Variants in MYCT1 observed in about 807,000 individuals in gnomAD.
The protein encoded by MYCT1 is MYC target 1.
Under a neutral mutation model 15.0 loss-of-function variants are expected in MYCT1, and 12 were observed. The observed-to-expected ratio is 0.80, with a 90% CI of 0.51 to 1.29. The LOEUF is 1.29. MYCT1 is among the 50% of genes most tolerant of loss of function. The pLI is 0.00. For synonymous variants in MYCT1, 104 were observed against 102.7 expected (o/e 1.01, Z -0.07); for missense variants, 287 against 279.1 (o/e 1.03, Z -0.20).
Position 152,722,139 on chromosome 6 carries a change from T to G in MYCT1, c.594T>G (p.Thr198=). 6.2e-7 allele frequency: 1 copy of G among 1,614,130 alleles called. No homozygotes were observed. The highest frequency in any genetic ancestry group is 8.5e-7 in the Non-Finnish European group (1 of 1,180,010). ...PSSNISPTIS[T]SHSLSRPDYW... ...CCAATATCTCTCCCACCATCAGCAC[T>G]TCCCACAGTCTGAGCCGTCCTGACT... Residue 198 remains threonine (T), a synonymous_variant, in exon 2 of 2, where the codon ACT becomes ACG. Coordinates refer to ENST00000367245, the MANE Select transcript of MYCT1 (RefSeq NM_025107.3).
chr6:152,740,033 GTTATTGTTATTATTA>G, the MYCT1 span, among the ~76,000 whole-genome samples: 261 of 151,934 alleles, frequency 1.7e-3, 1 homozygote, highest in Non-Finnish European at 2.4e-3. Flanking sequence ...TATGTATATT[GTTATTGTTATTATTA>G]TTATTGTTAT....
At chr6:152,726,345 C>A (rs989153661), downstream of MYCT1, among the ~76,000 whole-genome samples, 1 of 148,048 alleles carries the variant, frequency 6.8e-6, no homozygotes, top group Non-Finnish European at 1.5e-5. Flanking sequence ...TACAGTGAGC[C>A]GAGATTGTGC....
the MYCT1 span, among the ~76,000 whole-genome samples, chr6:152,739,143 T>C: frequency 6.6e-6 from 1 of 151,902 alleles, no homozygotes; most frequent in African/African-American, 2.4e-5. Context: ...TATTTCTCTT[T>C]ACACTTAACA....
chr6:152,734,825 C>T, the MYCT1 span, among the ~76,000 whole-genome samples: 7 of 152,142 alleles, frequency 4.6e-5, no homozygotes, highest in African/African-American at 1.7e-4. Flanking sequence ...GAATCTTGTG[C>T]TATCTTTACC....
downstream of MYCT1, among the ~76,000 whole-genome samples, chr6:152,729,468 CA>C (rs1313247954): frequency 6.6e-6 from 1 of 152,082 alleles, no homozygotes; most frequent in Non-Finnish European, 1.5e-5. Flanking sequence ...TGAAAAATTT[CA>C]AAAGTTAAAT....
At chr6:152,731,742 A>G in the MYCT1 span, among the ~76,000 whole-genome samples, 1 of 127,742 alleles carries the variant, frequency 7.8e-6, no homozygotes, top group Non-Finnish European at 1.7e-5. Flanking sequence ...AGCATCAGAG[A>G]ACGCCATTTT....
At chr6:152,703,941 TTTTATTTTATTTTA>T (rs2099721764) in intron 1 of MYCT1, among the ~76,000 whole-genome samples, 1 of 11,642 alleles carries the variant, frequency 8.6e-5, no homozygotes, top group Non-Finnish European at 2.0e-4. Flanking sequence ...TTTCCCTGTT[TTTTATTTTATTTTA>T]TTTTATTTTA....
At chr6:152,739,961 T>C in the MYCT1 span, among the ~76,000 whole-genome samples, 1 of 152,096 alleles carries the variant, frequency 6.6e-6, no homozygotes, top group Non-Finnish European at 1.5e-5. Context: ...TTAGAATTCT[T>C]AATTCAGAGT....
rs201983054 is a variant in MYCT1 at position 152,722,129 on chromosome 6, C to T, written c.584C>T (p.Thr195Ile). The T allele has an allele frequency of 6.2e-7, 1 of 1,614,166 alleles. No homozygotes were observed. The highest frequency in any genetic ancestry group is 2.2e-5 in the East Asian group (1 of 44,874). The change falls in exon 2 of 2, where the codon ACC becomes ATC. Residue 195 changes from threonine to isoleucine, a missense_variant. Physicochemically the swap from Thr to Ile is moderately conservative, Grantham distance 89. Transcript: ENST00000367245. ...VTLPSSNISPTISTSHSLSRP... is the reference protein window; with the variant it reads ...VTLPSSNISPIISTSHSLSRP... Reference sequence around the variant, plus strand: ...CTCCCTTCTTCCAATATCTCTCCCACCATCAGCACTTCCCACAGTCTGAGC... The same window carrying T: ...CTCCCTTCTTCCAATATCTCTCCCATCATCAGCACTTCCCACAGTCTGAGC...
chr6:152,746,625 G>T, the MYCT1 span, among the ~76,000 whole-genome samples: 1 of 152,138 alleles, frequency 6.6e-6, no homozygotes, highest in Non-Finnish European at 1.5e-5. Context: ...TTGTGAAGTA[G>T]GTAAAATTGG....
chr6:152,716,565 T>G (rs551783722), intron 1 of MYCT1, among the ~76,000 whole-genome samples: 10 of 152,276 alleles, frequency 6.6e-5, no homozygotes, highest in African/African-American at 1.9e-4. Flanking sequence ...ATTGATTATA[T>G]TTACTAAAAA....
At chr6:152,721,720 C>T (rs1300146130) in intron 1 of MYCT1, 22 bp from the exon 2 acceptor site, 2 of 1,589,082 alleles carry the variant, frequency 1.3e-6, no homozygotes, top group Admixed American at 1.8e-5. Flanking sequence ...ATTGATTTAG[C>T]AATTTGTTTT....
chr6:152,714,440 G>A (rs1374876383), intron 1 of MYCT1, among the ~76,000 whole-genome samples: 2 of 149,730 alleles, frequency 1.3e-5, no homozygotes, highest in African/African-American at 4.9e-5. Context: ...GTTTTTGTAG[G>A]CTTTCTTATT....
Position 152,698,058 on chromosome 6 carries a change from C to G in MYCT1, c.156C>G (p.Asn52Lys), listed in dbSNP as rs2099720710. 8 of 1,604,142 alleles carry G rather than the reference C, an allele frequency of 5.0e-6. No individual in the cohort carries two copies. In the East Asian group the frequency reaches 1.8e-4, roughly 36 times the overall value. ...LLFLVDIMAN[N>K]TTSLGSPWPE... ...TTCTTGTGGATATTATGGCTAATAA[C>G]ACAACAAGTTTAGGGAGTCCATGGC... Residue 52 changes from asparagine (N) to lysine (K), a missense_variant, in exon 1 of 2, where the codon AAC becomes AAG. Physicochemically the swap from Asn to Lys is moderately conservative, Grantham distance 94. Coordinates refer to ENST00000367245, the MANE Select transcript of MYCT1 (RefSeq NM_025107.3).
intron 1 of MYCT1, among the ~76,000 whole-genome samples, chr6:152,702,853 A>G (rs192787465): frequency 6.6e-6 from 1 of 152,330 alleles, no homozygotes; most frequent in East Asian, 1.9e-4. Flanking sequence ...AACATTTACA[A>G]ATGCTTGTCT....
chr6:152,721,679 C>A, intron 1 of MYCT1, 63 bp from the exon 2 acceptor site: 1 of 1,463,628 alleles, frequency 6.8e-7, no homozygotes, highest in Non-Finnish European at 9.3e-7. Flanking sequence ...TATATGCTGA[C>A]CCTTGTTTTT....
chr6:152,706,929 G>T (rs1013857340), intron 1 of MYCT1, among the ~76,000 whole-genome samples: 4 of 151,780 alleles, frequency 2.6e-5, no homozygotes, highest in Middle Eastern at 3.4e-3. Context: ...ACACTTAGGT[G>T]GATTATGTAT....
At chr6:152,701,682 T>A (rs2099721349) in intron 1 of MYCT1, among the ~76,000 whole-genome samples, 2 of 152,292 alleles carry the variant, frequency 1.3e-5, no homozygotes, top group South Asian at 4.1e-4. Context: ...GTATTTCTCA[T>A]CAGCTTTTGA....
chr6:152,725,336 G>A (rs1308429187), downstream of MYCT1, among the ~76,000 whole-genome samples: 6 of 152,188 alleles, frequency 3.9e-5, no homozygotes, highest in South Asian at 2.1e-4. Context: ...ATTCACCAAA[G>A]AGAAAAATTA....
Sources: allele counts gnomAD v4.1 joint callset (sites outside exome capture counted in the v4.1 genomes callset), GRCh38; gene constraint gnomAD v4.1.1; transcripts MANE v1.5; gene names NCBI Gene and HGNC (gene_info 2026-07-23, HGNC 2026-07-21).